ASTN2: variants seen among roughly 807,000 people sequenced by gnomAD.
ASTN2 encodes astrotactin-2.
Under a neutral mutation model 139.8 loss-of-function variants are expected in ASTN2, and 54 were observed. The observed-to-expected ratio is 0.39, with a 90% CI of 0.31 to 0.48. The LOEUF is 0.48. ASTN2 is among the 20% of genes least tolerant of loss of function. The pLI, the probability that ASTN2 is intolerant of heterozygous loss-of-function variation, is 0.95. For missense variants in ASTN2, 1,565 were observed against 1,725.1 expected (o/e 0.91, Z 1.64); for synonymous variants, 756 against 719.5 (o/e 1.05, Z -0.81).
At chr9:117,194,199 C>T (rs1038004393) in intron 3 of ASTN2, among the ~76,000 whole-genome samples, 6 of 152,132 alleles carry the variant, frequency 3.9e-5, no homozygotes, top group African/African-American at 1.4e-4. Flanking sequence ...GCTCAGGTAC[C>T]ATTTCCAGTT....
At chr9:117,159,837 T>C (rs1462213438) in intron 3 of ASTN2, among the ~76,000 whole-genome samples, 1 of 152,066 alleles carries the variant, frequency 6.6e-6, no homozygotes, top group Admixed American at 6.6e-5. Flanking sequence ...GTTATTGCTA[T>C]TAAGAACCAC....
intron 19 of ASTN2, among the ~76,000 whole-genome samples, chr9:116,569,960 T>C (rs1326057650): frequency 6.6e-6 from 1 of 152,242 alleles, no homozygotes. Flanking sequence ...TTTGACTGTC[T>C]GTCTCCTGCT....
At chr9:116,784,929 CAAAAAA>C (rs58241855) in intron 13 of ASTN2, among the ~76,000 whole-genome samples, 2 of 104,142 alleles carry the variant, frequency 1.9e-5, no homozygotes, top group African/African-American at 3.8e-5. Context: ...AACTCCGCCT[CAAAAAA>C]AAAAAAAAAA....
At chr9:116,426,146 T>C in intron 22 of ASTN2, 58 bp from the exon 23 acceptor site, 2 of 1,587,646 alleles carry the variant, frequency 1.3e-6, no homozygotes, top group South Asian at 1.1e-5. Context: ...AGTTAGACCT[T>C]TGAGGTAGTA....
intron 1 of ASTN2, among the ~76,000 whole-genome samples, chr9:117,333,502 T>C (rs538154945): frequency 2.6e-4 from 39 of 152,192 alleles, no homozygotes; most frequent in African/African-American, 9.4e-4. Flanking sequence ...CAAAACACCA[T>C]AACCAAAAGA....
intron 1 of ASTN2, among the ~76,000 whole-genome samples, chr9:117,392,771 C>T (rs1830575784): frequency 6.6e-6 from 1 of 152,140 alleles, no homozygotes; most frequent in South Asian, 2.1e-4. Context: ...TTCCAATGCC[C>T]TGAGGAAAAA....
At chr9:116,445,173 A>G (rs1196205577) in intron 20 of ASTN2, among the ~76,000 whole-genome samples, 1 of 152,174 alleles carries the variant, frequency 6.6e-6, no homozygotes, top group Non-Finnish European at 1.5e-5. Flanking sequence ...ATACTGATAT[A>G]AATGAATGAA....
At chr9:116,972,378 C>T (rs970145025) in intron 10 of ASTN2, among the ~76,000 whole-genome samples, 2 of 151,954 alleles carry the variant, frequency 1.3e-5, no homozygotes, top group African/African-American at 4.8e-5. Context: ...TATTTATCTA[C>T]TTTTTCGCTG....
chr9:117,036,696 C>T (rs1157536279), intron 6 of ASTN2, among the ~76,000 whole-genome samples: 1 of 152,142 alleles, frequency 6.6e-6, no homozygotes, highest in Non-Finnish European at 1.5e-5. Context: ...TCTGTCTATC[C>T]TGCTTACACT....
intron 1 of ASTN2, among the ~76,000 whole-genome samples, chr9:117,367,283 G>T (rs2130906969): frequency 6.6e-6 from 1 of 152,256 alleles, no homozygotes; most frequent in African/African-American, 2.4e-5. Context: ...CACTTCACAG[G>T]TGGCAAGCTT....
chr9:116,614,147 T>C (rs1855709248), intron 19 of ASTN2, among the ~76,000 whole-genome samples: 1 of 152,080 alleles, frequency 6.6e-6, no homozygotes, highest in Non-Finnish European at 1.5e-5. Context: ...ATAAAATACC[T>C]AGGAATCCAA....
At chr9:117,088,321 C>A (rs964794384) in intron 5 of ASTN2, among the ~76,000 whole-genome samples, 14 of 152,160 alleles carry the variant, frequency 9.2e-5, no homozygotes, top group African/African-American at 3.4e-4. Context: ...GCCCTCACAC[C>A]TTGGCAGGTA....
At chr9:116,912,392 C>A (rs1834336578) in intron 10 of ASTN2, among the ~76,000 whole-genome samples, 1 of 152,210 alleles carries the variant, frequency 6.6e-6, no homozygotes, top group African/African-American at 2.4e-5. Context: ...AGTAGGTGCT[C>A]AGAAAACACA....
At chr9:117,333,813 T>G (rs1828791452) in intron 1 of ASTN2, among the ~76,000 whole-genome samples, 1 of 152,140 alleles carries the variant, frequency 6.6e-6, no homozygotes, top group Non-Finnish European at 1.5e-5. Flanking sequence ...CATTTGCCCA[T>G]TTTAAACATA....
At chr9:117,032,801 C>T (rs964535369) in intron 6 of ASTN2, among the ~76,000 whole-genome samples, 2 of 152,048 alleles carry the variant, frequency 1.3e-5, no homozygotes, top group African/African-American at 2.4e-5. Context: ...CCATGCCATC[C>T]CAATGTGTGG....
chr9:116,892,590 A>AT (rs369271689), intron 10 of ASTN2, among the ~76,000 whole-genome samples: 7,080 of 150,046 alleles, frequency 0.047, 177 homozygotes, highest in Middle Eastern at 0.11. Context: ...CTTTTAATCT[A>AT]TTTTTTTTTT....
intron 6 of ASTN2, among the ~76,000 whole-genome samples, chr9:117,028,572 G>GGGCCGGGCTGAGAGGGGAAGCTGCGGAGT (rs1238917324): frequency 2.0e-5 from 3 of 151,844 alleles, no homozygotes; most frequent in Non-Finnish European, 4.4e-5. Context: ...AGCTGCGGAG[G>GGGCCGGGCTGAGAGGGGAAGCTGCGGAGT]GGCCAGGCTT....
intron 10 of ASTN2, among the ~76,000 whole-genome samples, chr9:116,865,287 G>A (rs1373839766): frequency 2.6e-5 from 4 of 151,836 alleles, no homozygotes; most frequent in Non-Finnish European, 4.4e-5. Context: ...CTTAGAAAAT[G>A]AGGCAAAACC....
chr9:116,878,642 A>G (rs1588377314), intron 10 of ASTN2, among the ~76,000 whole-genome samples: 1 of 151,982 alleles, frequency 6.6e-6, no homozygotes, highest in African/African-American at 2.4e-5. Flanking sequence ...GCAAAACACT[A>G]TGGCACACAT....
Sources: allele counts gnomAD v4.1 joint callset (sites outside exome capture counted in the v4.1 genomes callset), GRCh38; gene constraint gnomAD v4.1.1; transcripts MANE v1.5; gene names NCBI Gene and HGNC (gene_info 2026-07-23, HGNC 2026-07-21).